RASSF10: variants seen among roughly 807,000 people sequenced by gnomAD.
The protein encoded by RASSF10 is Ras association domain family member 10.
RASSF10 carries 22 observed loss-of-function variants against 41.5 expected under a neutral mutation model. That is an observed-to-expected ratio of 0.53 (90% CI 0.38 to 0.76). The LOEUF is 0.76. Ranked by LOEUF, RASSF10 falls within the 30% of genes least tolerant of loss-of-function variation. The pLI is 0.00. For synonymous variants in RASSF10, 364 were observed against 319.0 expected, an observed-to-expected ratio of 1.14 and a Z score of -1.50; for missense variants, 776 against 711.8, an observed-to-expected ratio of 1.09 and a Z score of -1.03.
At position 13,011,074 on chromosome 11, in the gene RASSF10, T is replaced by G; in HGVS notation, c.1498T>G (p.Leu500Val). 7.5e-7 allele frequency: 1 copy of G among 1,337,248 alleles called. No individual in the cohort carries two copies. Among genetic ancestry groups the G allele is most frequent in the Non-Finnish European group, 9.9e-7 (1 of 1,008,788 alleles). The allele number at this position is 1,337,248 out of a possible 1,614,324, so 82.8% of individuals were successfully genotyped here. A position where few individuals can be genotyped will look rare whatever the true frequency, so the allele number is the denominator to read the frequency against. Residue 500 changes from leucine to valine, a missense_variant, in exon 1 of 1, where the codon TTG becomes GTG. Coordinates refer to ENST00000529419, the MANE Select transcript of RASSF10 (RefSeq NM_001080521.3). ...TATGCATAGCCAAGACTCGGACTCC[T>G]TGCCCATGTGCGAATCCCTTGTGTA... is the stretch of plus-strand genomic sequence containing the variant. ...SSMHSQDSDS[L>V]PMCESLV
In RASSF10 at chr11:13,010,742, G is replaced by C. The variant is rs1172815384; in HGVS notation, c.1166G>C (p.Arg389Pro). ...GGCGAGCTGCTGCTGGAGCAGGAACGGGTCAGGACGCAGCTCAGTACCAGC... is the reference window on the plus strand; with the variant it reads ...GGCGAGCTGCTGCTGGAGCAGGAACCGGTCAGGACGCAGCTCAGTACCAGC... Reference protein sequence around the residue: ...PDGELLLEQERVRTQLSTSLY... With the variant: ...PDGELLLEQEPVRTQLSTSLY... Residue 389 changes from arginine to proline, a missense_variant, in exon 1 of 1, where the codon CGG becomes CCG. Transcript: ENST00000529419. This position sits in a 1 kb window ranked among gnomAD's most constrained non-coding sequence, Gnocchi z 4.8. The C allele has an allele frequency of 8.7e-6, 14 of 1,601,898 alleles. No homozygotes were observed. The highest frequency in any genetic ancestry group is 1.3e-5 in the African/African-American group (1 of 74,754).
At position 13,012,101 on chromosome 11, in the gene RASSF10, T is replaced by G. The variant is rs1949584013; in HGVS notation, c.*1001T>G. On this transcript the variant is annotated 3_prime_UTR_variant, in exon 1 of 1. Transcript: ENST00000529419. ...TATGTGATTAAAACCAACCATGACC[T>G]TAACGGATTTTACCCAAACTCGTCT... The G allele has an allele frequency of 6.6e-6, 1 of 152,236 alleles. No homozygotes were observed. Among genetic ancestry groups the G allele is most frequent in the Non-Finnish European group, 1.5e-5 (1 of 68,040 alleles). 9.4% of individuals were successfully genotyped at this position (152,236 alleles called of 1,614,324 possible).
In RASSF10 at chr11:13,010,159, A is replaced by T; in HGVS notation, c.583A>T (p.Thr195Ser). The change falls in exon 1 of 1, where the codon ACA becomes TCA. Residue 195 changes from threonine (T) to serine (S), a missense_variant. Thr to Ser is a moderately conservative substitution (Grantham distance 58, BLOSUM62 1). Transcript: ENST00000529419. The surrounding 1 kb of genome is among the most constrained non-coding windows in gnomAD (Gnocchi z 4.8). ...AKLNRRRQQQTPSSCSSTSSS... is the reference protein window; with the variant it reads ...AKLNRRRQQQSPSSCSSTSSS... ...GCTCAACCGGCGGCGCCAGCAGCAG[A>T]CACCGTCGTCCTGTTCGTCCACTTC... The T allele has an allele frequency of 6.3e-7, 1 of 1,581,496 alleles. No individual in the cohort carries two copies. Among genetic ancestry groups the T allele is most frequent in the Non-Finnish European group, 8.6e-7 (1 of 1,165,060 alleles).
At position 13,011,917 on chromosome 11, in the gene RASSF10, C is replaced by T. The variant is rs1949583129; in HGVS notation, c.*817C>T. 2.0e-5 allele frequency: 3 copies of T among 152,160 alleles called. No individual in the cohort carries two copies. Among genetic ancestry groups the T allele is most frequent in the Admixed American group, 2.0e-4 (3 of 15,280 alleles). 9.4% of individuals were successfully genotyped at this position (152,160 alleles called of 1,614,324 possible). A position where few individuals can be genotyped will look rare whatever the true frequency, so the allele number is the denominator to read the frequency against. ...TGTCCCTTCAAAGGCAGGTGAGTTG[C>T]CCTTTAATTCGTATTGCCACTTCAT... On this transcript the variant is annotated 3_prime_UTR_variant, in exon 1 of 1. Coordinates refer to ENST00000529419, the MANE Select transcript of RASSF10 (RefSeq NM_001080521.3).
rs751663369 is a variant in RASSF10, at chr11:13,009,561, G to A, written c.-16G>A. 1.2e-6 allele frequency: 2 copies of A among 1,601,438 alleles called. No homozygotes were observed. Among genetic ancestry groups the A allele is most frequent in the South Asian group, 1.1e-5 (1 of 90,240 alleles). ...CAGACCCCGGCCGGACCTGCCACCT[G>A]CGCCCTGGTTGCGCCATGGATCCTT... On this transcript the variant is annotated 5_prime_UTR_variant, in exon 1 of 1. Coordinates refer to ENST00000529419, the MANE Select transcript of RASSF10 (RefSeq NM_001080521.3).
Position 13,010,278 on chromosome 11 carries a change from C to G in RASSF10, c.702C>G (p.Ser234=), listed in dbSNP as rs1177331180. The G allele has an allele frequency of 2.6e-6, 4 of 1,560,360 alleles. No individual in the cohort carries two copies. Among genetic ancestry groups the G allele is most frequent in the African/African-American group, 1.4e-5 (1 of 73,328 alleles). The change falls in exon 1 of 1, where the codon TCC becomes TCG. Residue 234 remains serine, a synonymous_variant. Coordinates refer to ENST00000529419, the MANE Select transcript of RASSF10 (RefSeq NM_001080521.3). The surrounding 1 kb of genome is among the most constrained non-coding windows in gnomAD (Gnocchi z 4.8). ...AGACGCTGGTGCATCTGGTGCTTTC[C>G]CAGGACCACACAATTCGCCAGCAGG... The part of the protein sequence containing the change: ...RMETLVHLVL[S]QDHTIRQQVQ...
Position 13,009,780 on chromosome 11 carries a change from GAACGAGGAC to G in RASSF10, c.205_213del (p.Asn69_Asp71del). ...GCCCGGGAGAGCTGCCCGAACCCCC[GAACGAGGAC>G]GACGAGGACGACGACGAGGCGCTGC... On this transcript the variant is annotated inframe_deletion, in exon 1 of 1. Transcript: ENST00000529419. 1 of 1,604,602 alleles carries G rather than the reference GAACGAGGAC, an allele frequency of 6.2e-7. No individual in the cohort carries two copies. Among genetic ancestry groups the G allele is most frequent in the Non-Finnish European group, 8.5e-7 (1 of 1,176,686 alleles).
chr11:13,011,142 T>C lies in RASSF10; in HGVS notation c.*42T>C. The C allele has an allele frequency of 8.3e-7, 1 of 1,202,362 alleles. No homozygotes were observed. The highest frequency in any genetic ancestry group is 1.1e-6 in the Non-Finnish European group (1 of 871,364). 74.5% of individuals were successfully genotyped at this position (1,202,362 alleles called of 1,614,324 possible). On this transcript the variant is annotated 3_prime_UTR_variant, in exon 1 of 1. Transcript: ENST00000529419. ...GCGGGGGGCGGGAACAGGGGGATTC[T>C]TTTTTCTTGCAGAATGCAGTGGGCC...
In RASSF10 at chr11:13,009,884, T is replaced by G; in HGVS notation, c.308T>G (p.Ile103Ser). 1 of 1,605,202 alleles carries G rather than the reference T, an allele frequency of 6.2e-7. No homozygotes were observed. Among genetic ancestry groups the G allele is most frequent in the Non-Finnish European group, 8.5e-7 (1 of 1,176,500 alleles). Residue 103 changes from isoleucine to serine, a missense_variant, in exon 1 of 1, where the codon ATC becomes AGC. Ile to Ser is a moderately radical substitution (Grantham distance 142). Transcript: ENST00000529419. ...GAGAAGTGGCGCGGCTTTGAGCGCA[T>G]CCTCCCCAACAAGACGCGCATCTTG... ...IVEKWRGFER[I>S]LPNKTRILRL...
chr11:13,009,340 C>A lies in RASSF10; in HGVS notation c.-237C>A, dbSNP rs1219830080. On this transcript the variant is annotated 5_prime_UTR_variant, in exon 1 of 1. Coordinates refer to ENST00000529419, the MANE Select transcript of RASSF10 (RefSeq NM_001080521.3). ...CAGAGCCAGAGCGGCGGGAGCCGGT[C>A]CTGGGCGCGTTGCCCCGGGAGCGCC... is the stretch of plus-strand genomic sequence containing the variant. 4.2e-6 allele frequency: 4 copies of A among 950,946 alleles called. No homozygotes were observed. Among genetic ancestry groups the A allele is most frequent in the Non-Finnish European group, 6.5e-6 (4 of 612,874 alleles). 58.9% of individuals were successfully genotyped at this position (950,946 alleles called of 1,614,324 possible).
chr11:13,009,437 C>A lies in RASSF10; in HGVS notation c.-140C>A. The A allele has an allele frequency of 6.7e-7, 1 of 1,490,972 alleles. No individual in the cohort carries two copies. The highest frequency in any genetic ancestry group is 2.2e-5 in the Admixed American group (1 of 45,466). 92.4% of individuals were successfully genotyped at this position (1,490,972 alleles called of 1,614,324 possible). A position where few individuals can be genotyped will look rare whatever the true frequency, so the allele number is the denominator to read the frequency against. On this transcript the variant is annotated 5_prime_UTR_variant, in exon 1 of 1. Coordinates refer to ENST00000529419, the MANE Select transcript of RASSF10 (RefSeq NM_001080521.3). ...CGCTTTCCAGCCTGCCTTCGGTGCGCAGCGGGGGAACAGGGCTAGTGCAGC... is the reference window on the plus strand; with the variant it reads ...CGCTTTCCAGCCTGCCTTCGGTGCGAAGCGGGGGAACAGGGCTAGTGCAGC...
chr11:13,010,940 C>T lies in RASSF10; in HGVS notation c.1364C>T (p.Ser455Leu), dbSNP rs902853737. Residue 455 changes from serine to leucine, a missense_variant, in exon 1 of 1, where the codon TCG becomes TTG. Coordinates refer to ENST00000529419, the MANE Select transcript of RASSF10 (RefSeq NM_001080521.3). The surrounding 1 kb of genome is among the most constrained non-coding windows in gnomAD (Gnocchi z 4.8). The part of the protein sequence containing the change: ...PDGAPGSGSP[S>L]REPGPQACAD... ...GGGGCTCCTGGCTCTGGCAGTCCCT[C>T]GCGGGAACCTGGGCCTCAAGCCTGC... is the stretch of plus-strand genomic sequence containing the variant. 3.7e-6 allele frequency: 6 copies of T among 1,613,718 alleles called. No individual in the cohort carries two copies. Among genetic ancestry groups the T allele is most frequent in the African/African-American group, 1.3e-5 (1 of 75,036 alleles).
At position 13,010,131 on chromosome 11, in the gene RASSF10, C is replaced by T; in HGVS notation, c.555C>T (p.Ala185=). Residue 185 remains alanine, a synonymous_variant, in exon 1 of 1, where the codon GCC becomes GCT. Transcript: ENST00000529419. The surrounding 1 kb of genome is among the most constrained non-coding windows in gnomAD (Gnocchi z 4.8). ...TGCGCAAGGCCTTTCGCAAACTGGC[C>T]AAGCTCAACCGGCGGCGCCAGCAGC... ...RVVRKAFRKL[A]KLNRRRQQQT... 6.4e-7 allele frequency: 1 copy of T among 1,559,190 alleles called. No individual in the cohort carries two copies.
Position 13,011,214 on chromosome 11 carries a change from C to T in RASSF10, c.*114C>T, listed in dbSNP as rs990379322. The T allele has an allele frequency of 2.1e-5, 18 of 859,192 alleles. No homozygotes were observed. The highest frequency in any genetic ancestry group is 3.6e-5 in the South Asian group (2 of 55,744). The allele number at this position is 859,192 out of a possible 1,614,324, so 53.2% of individuals were successfully genotyped here. ...CCAGGCTGTTGCGAGCCCAGAGCTC[C>T]GGCTGGGCAGCAGCGCTCTGCGCAG... On this transcript the variant is annotated 3_prime_UTR_variant, in exon 1 of 1. Coordinates refer to ENST00000529419, the MANE Select transcript of RASSF10 (RefSeq NM_001080521.3).
rs774960029 is a variant in RASSF10 at position 13,011,043 on chromosome 11, G to A, written c.1467G>A (p.Leu489=). The change falls in exon 1 of 1, where the codon CTG becomes CTA. Residue 489 remains leucine (L), a synonymous_variant. Transcript: ENST00000529419. Reference sequence around the variant, plus strand: ...ACGACGAAGACTCGGATACGGGACTGAGCTCTATGCATAGCCAAGACTCGG... The same window carrying A: ...ACGACGAAGACTCGGATACGGGACTAAGCTCTATGCATAGCCAAGACTCGG... ...PGNDEDSDTG[L]SSMHSQDSDS... 6.2e-7 allele frequency: 1 copy of A among 1,608,040 alleles called. No homozygotes were observed. Among genetic ancestry groups the A allele is most frequent in the African/African-American group, 1.4e-5 (1 of 73,382 alleles).
chr11:13,009,892 A>T lies in RASSF10; in HGVS notation c.316A>T (p.Asn106Tyr). 6.2e-7 allele frequency: 1 copy of T among 1,604,762 alleles called. No individual in the cohort carries two copies. ...KWRGFERILPNKTRILRLWAA... is the reference protein window; with the variant it reads ...KWRGFERILPYKTRILRLWAA... Reference sequence around the variant, plus strand: ...GCGCGGCTTTGAGCGCATCCTCCCCAACAAGACGCGCATCTTGCGCCTCTG... The same window carrying T: ...GCGCGGCTTTGAGCGCATCCTCCCCTACAAGACGCGCATCTTGCGCCTCTG... Residue 106 changes from asparagine (N) to tyrosine (Y), a missense_variant, in exon 1 of 1, where the codon AAC (asparagine) becomes TAC (tyrosine). Asn to Tyr is a moderately radical substitution (Grantham distance 143). Transcript: ENST00000529419.
Position 13,010,429 on chromosome 11 carries a change from C to A in RASSF10, c.853C>A (p.Leu285Ile). Residue 285 changes from leucine to isoleucine, a missense_variant, in exon 1 of 1, where the codon CTC becomes ATC. Leu to Ile is a conservative substitution (Grantham distance 5, BLOSUM62 2). Transcript: ENST00000529419. This position sits in a 1 kb window ranked among gnomAD's most constrained non-coding sequence, Gnocchi z 4.8. ...TTACTTGGTTGGGGCAGGCATCGAG[C>A]TCGACGGGTCCAGACCGGGAGAGGA... ...DTYLVGAGIELDGSRPGEEPE... is the reference protein window; with the variant it reads ...DTYLVGAGIEIDGSRPGEEPE... 6.5e-7 allele frequency: 1 copy of A among 1,545,456 alleles called. No individual in the cohort carries two copies. Among genetic ancestry groups the A allele is most frequent in the Non-Finnish European group, 8.7e-7 (1 of 1,142,972 alleles).
At position 13,010,843 on chromosome 11, in the gene RASSF10, G is replaced by A. The variant is rs1039924701; in HGVS notation, c.1267G>A (p.Asp423Asn). 2 of 1,613,824 alleles carry A rather than the reference G, an allele frequency of 1.2e-6. No homozygotes were observed. Among genetic ancestry groups the A allele is most frequent in the African/African-American group, 1.3e-5 (1 of 74,910 alleles). The change falls in exon 1 of 1, where the codon GAC (aspartate) becomes AAC (asparagine). Residue 423 changes from aspartate (D) to asparagine (N), a missense_variant. Asp to Asn is a conservative substitution (Grantham distance 23). Coordinates refer to ENST00000529419, the MANE Select transcript of RASSF10 (RefSeq NM_001080521.3). The surrounding 1 kb of genome is among the most constrained non-coding windows in gnomAD (Gnocchi z 4.8). ...CTTGGATTACAGCCAGCAGCAATGG[G>A]ACAGCAAGAAGCGCGAGCTACAGGG... ...SDLDYSQQQWDSKKRELQGLL... is the reference protein window; with the variant it reads ...SDLDYSQQQWNSKKRELQGLL...
At position 13,010,856 on chromosome 11, in the gene RASSF10, G is replaced by A. The variant is rs1458569172; in HGVS notation, c.1280G>A (p.Arg427His). The A allele has an allele frequency of 3.1e-6, 5 of 1,613,772 alleles. No homozygotes were observed. The highest frequency in any genetic ancestry group is 4.2e-6 in the Non-Finnish European group (5 of 1,179,878). Reference protein sequence around the residue: ...YSQQQWDSKKRELQGLLQTLH... With the variant: ...YSQQQWDSKKHELQGLLQTLH... ...CAGCAGCAATGGGACAGCAAGAAGCGCGAGCTACAGGGCCTTCTGCAAACT... is the reference window on the plus strand; with the variant it reads ...CAGCAGCAATGGGACAGCAAGAAGCACGAGCTACAGGGCCTTCTGCAAACT... Residue 427 changes from arginine (R) to histidine (H), a missense_variant, in exon 1 of 1, where the codon CGC (arginine) becomes CAC (histidine). Arg to His is a conservative substitution (Grantham distance 29). Transcript: ENST00000529419. This position sits in a 1 kb window ranked among gnomAD's most constrained non-coding sequence, Gnocchi z 4.8.
Sources: allele counts gnomAD v4.1 joint callset, GRCh38; gene constraint gnomAD v4.1.1; non-coding constraint Gnocchi (gnomAD v3.1); transcripts MANE v1.5; gene names NCBI Gene and HGNC (gene_info 2026-07-23, HGNC 2026-07-21).